DPP6: variants seen among roughly 807,000 people sequenced by gnomAD.
DPP6 encodes the protein A-type potassium channel modulatory protein DPP6.
Under a neutral mutation model 122.6 loss-of-function variants are expected in DPP6, and 69 were observed. That is an observed-to-expected ratio of 0.56 (90% CI 0.46 to 0.69). DPP6 has a LOEUF of 0.69. Ranked by LOEUF, DPP6 falls within the 30% of genes least tolerant of loss-of-function variation. The pLI is 0.00. For missense variants in DPP6, 928 were observed against 1,116.9 expected (o/e 0.83, Z 2.41); for synonymous variants, 418 against 433.1 (o/e 0.97, Z 0.43).
chr7:154,676,873 A>G (rs1374571218), intron 7 of DPP6, among the ~76,000 whole-genome samples: 1 of 152,214 alleles, frequency 6.6e-6, no homozygotes, highest in Non-Finnish European at 1.5e-5. Flanking sequence ...CATGGCTTAC[A>G]TCTCTGTGAG....
rs370973628 is a variant in DPP6 at position 154,475,046 on chromosome 7, A to G, written c.457+9A>G. 6.2e-7 allele frequency: 1 copy of G among 1,606,018 alleles called. No homozygotes were observed. The highest frequency in any genetic ancestry group is 8.5e-7 in the Non-Finnish European group (1 of 1,172,768). On this transcript the variant is annotated intron_variant, in intron 3 of 25. Transcript: ENST00000377770. ...GGCTAAGTGGATAAGTGGTGAGTCC[A>G]GGTCCTTCGTGCACAAGACATCGCT...
chr7:154,332,451 A>G (rs1809033167), intron 1 of DPP6, among the ~76,000 whole-genome samples: 1 of 152,232 alleles, frequency 6.6e-6, no homozygotes. Context: ...CTGGTTGGGC[A>G]TAGGTCCTGA....
At chr7:154,369,526 G>T (rs145120746) in intron 1 of DPP6, among the ~76,000 whole-genome samples, 160 of 152,150 alleles carry the variant, frequency 1.1e-3, no homozygotes, top group South Asian at 3.5e-3. Context: ...CCACCACCAC[G>T]CCCGGCTAAT....
chr7:154,175,648 G>A (rs1262410251), intron 1 of DPP6, among the ~76,000 whole-genome samples: 1 of 151,856 alleles, frequency 6.6e-6, no homozygotes, highest in East Asian at 1.9e-4. Flanking sequence ...CCGCAACAGA[G>A]CACTCCTACA....
chr7:154,715,481 C>A (rs965858500), intron 7 of DPP6, among the ~76,000 whole-genome samples: 4 of 152,190 alleles, frequency 2.6e-5, no homozygotes, highest in African/African-American at 9.7e-5. Flanking sequence ...ATTTTCCGAC[C>A]TTATCATTGG....
intron 1 of DPP6, among the ~76,000 whole-genome samples, chr7:154,165,079 A>C (rs1563267095): frequency 1.3e-5 from 2 of 151,220 alleles, no homozygotes; most frequent in East Asian, 1.9e-4. Context: ...ATATGTATAC[A>C]TGTGCCATGC....
the DPP6 span, among the ~76,000 whole-genome samples, chr7:153,822,188 T>A: frequency 9.2e-5 from 1 of 10,858 alleles, no homozygotes; most frequent in East Asian, 2.4e-3. Flanking sequence ...AATCTTTTTT[T>A]TTTTTTTTTT....
intron 6 of DPP6, among the ~76,000 whole-genome samples, chr7:154,639,037 C>G (rs191294757): frequency 1.7e-3 from 259 of 152,316 alleles, no homozygotes; most frequent in Middle Eastern, 3.4e-3. Context: ...CAAATTTTAA[C>G]AGCAGGAGTG....
chr7:154,734,792 A>C (rs1195249141), intron 8 of DPP6, among the ~76,000 whole-genome samples: 1 of 152,206 alleles, frequency 6.6e-6, no homozygotes, highest in African/African-American at 2.4e-5. Context: ...AACTTGGATG[A>C]ATATTTGACC....
chr7:153,929,757 C>T (rs539439219), intron 1 of DPP6, among the ~76,000 whole-genome samples: 2 of 152,232 alleles, frequency 1.3e-5, no homozygotes, highest in South Asian at 4.1e-4. Context: ...GAAAGAAAAG[C>T]TTTTCTTGCT....
chr7:154,881,816 C>T (rs1166248990), intron 21 of DPP6, among the ~76,000 whole-genome samples: 3 of 152,152 alleles, frequency 2.0e-5, no homozygotes, highest in Non-Finnish European at 4.4e-5. Flanking sequence ...GTGAAGTGGT[C>T]AGGAGGAGGG....
chr7:154,075,886 C>A (rs895423343), intron 1 of DPP6, among the ~76,000 whole-genome samples: 2 of 151,066 alleles, frequency 1.3e-5, no homozygotes, highest in Admixed American at 6.6e-5. Flanking sequence ...AGAACCTACA[C>A]CTCCTTATTT....
chr7:153,776,511 T>C, the DPP6 span, among the ~76,000 whole-genome samples: 1 of 151,776 alleles, frequency 6.6e-6, no homozygotes, highest in South Asian at 2.1e-4. Flanking sequence ...GAACTGGGAG[T>C]CAATTAAACC....
chr7:154,753,813 T>C (rs1032884895), intron 8 of DPP6, among the ~76,000 whole-genome samples: 1 of 152,152 alleles, frequency 6.6e-6, no homozygotes, highest in Non-Finnish European at 1.5e-5. Flanking sequence ...AGAAGCGGCA[T>C]GCGGACATCT....
At chr7:154,195,041 AC>A (rs1223771245) in intron 1 of DPP6, among the ~76,000 whole-genome samples, 1 of 152,144 alleles carries the variant, frequency 6.6e-6, no homozygotes, top group Non-Finnish European at 1.5e-5. Flanking sequence ...GCTTTTGGTG[AC>A]TGCCTAGGAA....
the DPP6 span, among the ~76,000 whole-genome samples, chr7:153,785,585 A>G: frequency 3.9e-5 from 6 of 152,116 alleles, no homozygotes; most frequent in Admixed American, 3.3e-4. Context: ...CTTTAATTTT[A>G]TGATGGTAGT....
At chr7:153,821,209 A>C in the DPP6 span, among the ~76,000 whole-genome samples, 1 of 152,194 alleles carries the variant, frequency 6.6e-6, no homozygotes, top group Non-Finnish European at 1.5e-5. Context: ...AGATCCACTT[A>C]ATAAGCAACT....
At chr7:153,760,943 T>C in the DPP6 span, among the ~76,000 whole-genome samples, 3 of 152,102 alleles carry the variant, frequency 2.0e-5, no homozygotes, top group Non-Finnish European at 2.9e-5. Context: ...TCAGACCCTT[T>C]AGCGCAAACT....
In DPP6 at chr7:154,760,348, G is replaced by T. The variant is rs182945262; in HGVS notation, c.884-9069G>T. On this transcript the variant is annotated intron_variant, in intron 8 of 25. Transcript: ENST00000377770. The surrounding 1 kb of genome is among the most constrained non-coding windows in gnomAD (Gnocchi z 4.5). ...ATGGGCTGTGTGTGCAAATTCAGGG[G>T]GGTGGGGTGGAGGAAATTCAGTCCA... Among the ~76,000 whole-genome samples the T allele has an allele frequency of 1.3e-5, 2 of 152,082 alleles. No homozygotes were observed. The highest frequency in any genetic ancestry group is 4.8e-5 in the African/African-American group (2 of 41,412).
Sources: allele counts gnomAD v4.1 joint callset (sites outside exome capture counted in the v4.1 genomes callset), GRCh38; gene constraint gnomAD v4.1.1; non-coding constraint Gnocchi (gnomAD v3.1); transcripts MANE v1.5; gene names NCBI Gene and HGNC (gene_info 2026-07-23, HGNC 2026-07-21).